The following OR2AT4 variants were observed in gnomAD, a reference collection of about 807,000 sequenced individuals.
OR2AT4 encodes the protein olfactory receptor family 2 subfamily AT member 4.
OR2AT4 carries 6 observed loss-of-function variants against 10.3 expected under a neutral mutation model. That is an observed-to-expected ratio of 0.58 (90% CI 0.32 to 1.15). The LOEUF (loss-of-function observed/expected upper bound fraction) is 1.15. Among genes scored for constraint, OR2AT4 ranks in the 50% most tolerant of loss-of-function variants. The probability of loss-of-function intolerance (pLI) is 0.05; values close to 1 mark genes in which losing one functional copy is unlikely to be tolerated. For missense variants in OR2AT4, 354 were observed against 393.8 expected, an observed-to-expected ratio of 0.90 and a Z score of 0.85; for synonymous variants, 145 against 159.1, an observed-to-expected ratio of 0.91 and a Z score of 0.67.
chr11:75,084,372 G>GT (rs1327222617), exon 2 of OR2AT4: 1 of 152,148 alleles, frequency 6.6e-6, no homozygotes, highest in Non-Finnish European at 1.5e-5. Context: ...TTACAAACTG[G>GT]TGAAATTGAA....
In OR2AT4 at chr11:75,089,409, C is replaced by T. The variant is rs753752079; in HGVS notation, c.305G>A (p.Cys102Tyr). Residue 102 changes from cysteine (C) to tyrosine (Y), a missense_variant, in exon 2 of 2, where the codon TGC becomes TAC. By Grantham distance (194) the Cys-to-Tyr change is radical. Transcript: ENST00000641504. Reference sequence around the variant, plus strand: ...TTGGAAGAGGTACATCTGCAGTAAGCAGGAAGAAAAGCTGAGGAAGCGGTC... The same window carrying T: ...TTGGAAGAGGTACATCTGCAGTAAGTAGGAAGAAAAGCTGAGGAAGCGGTC... The T allele has an allele frequency of 1.9e-6, 3 of 1,614,062 alleles. No homozygotes were observed. The South Asian group carries it at 3.3e-5, about 18-fold the overall frequency.
exon 2 of OR2AT4, chr11:75,084,738 G>A (rs1429879897): frequency 1.3e-5 from 2 of 152,144 alleles, no homozygotes; most frequent in Non-Finnish European, 2.9e-5. Flanking sequence ...AAGTGATTGG[G>A]AAAATCTTCC....
At chr11:75,096,450 C>T (rs761147703) in intron 1 of OR2AT4, among the ~76,000 whole-genome samples, 4 of 152,212 alleles carry the variant, frequency 2.6e-5, no homozygotes, top group Non-Finnish European at 4.4e-5. Flanking sequence ...AGCACAGAAT[C>T]TAGGTCTATT....
chr11:75,091,120 A>G (rs1949318547), intron 1 of OR2AT4, among the ~76,000 whole-genome samples: 1 of 152,210 alleles, frequency 6.6e-6, no homozygotes, highest in African/African-American at 2.4e-5. Context: ...ACTCAGCCCT[A>G]ACCTAACTCA....
chr11:75,086,129 C>T (rs985210572), exon 2 of OR2AT4: 2 of 152,076 alleles, frequency 1.3e-5, no homozygotes, highest in Non-Finnish European at 2.9e-5. Flanking sequence ...ATTGTATGTT[C>T]ATATGCACAC....
chr11:75,089,071 G>A (rs1276272620), exon 2 of OR2AT4: 1 of 1,613,992 alleles, frequency 6.2e-7, no homozygotes, highest in Non-Finnish European at 8.5e-7. Context: ...AGGAGAAGGG[G>A]GAGGAAGGAC....
intron 1 of OR2AT4, among the ~76,000 whole-genome samples, chr11:75,093,844 CAG>C (rs1215399481): frequency 1.2e-5 from 1 of 80,906 alleles, no homozygotes; most frequent in African/African-American, 4.8e-5. Context: ...TTTTTTGAGA[CAG>C]AGTCTTGCTC....
intron 1 of OR2AT4, among the ~76,000 whole-genome samples, chr11:75,091,676 C>T (rs1215838383): frequency 6.6e-6 from 1 of 152,108 alleles, no homozygotes; most frequent in Non-Finnish European, 1.5e-5. Flanking sequence ...TACGGTATGA[C>T]TTAATTGATA....
chr11:75,087,648 C>A (rs1057415618), exon 2 of OR2AT4: 1 of 152,190 alleles, frequency 6.6e-6, no homozygotes. Flanking sequence ...TGTGATTTTT[C>A]TTGTCCTTTT....
At position 75,089,430 on chromosome 11, in the gene OR2AT4, C is replaced by T. The variant is rs137906840; in HGVS notation, c.284G>A (p.Arg95His). ...TAAGCAGGAAGAAAAGCTGAGGAAG[C>T]GGTCCCCAAGCAAGAATAAGGACAG... The change falls in exon 2 of 2, where the codon CGC becomes CAC. Residue 95 changes from arginine to histidine, a missense_variant. Coordinates refer to ENST00000641504, the Ensembl canonical transcript of OR2AT4. 2.7e-4 allele frequency: 440 copies of T among 1,614,008 alleles called. No homozygotes were observed. In the African/African-American group the frequency reaches 4.8e-3, roughly 18 times the overall value.
chr11:75,095,929 C>T (rs1346518983), intron 1 of OR2AT4, among the ~76,000 whole-genome samples: 3 of 152,098 alleles, frequency 2.0e-5, no homozygotes, highest in South Asian at 2.1e-4. Flanking sequence ...CTGCCCGCCT[C>T]GGCCTCCCAA....
At chr11:75,087,681 T>C (rs1442435632) in exon 2 of OR2AT4, 2 of 152,262 alleles carry the variant, frequency 1.3e-5, no homozygotes, top group African/African-American at 2.4e-5. Context: ...TTAGGATGTA[T>C]AGTCAAAACA....
At chr11:75,088,732 A>G (rs761349306) in exon 2 of OR2AT4, 1 of 1,540,718 alleles carries the variant, frequency 6.5e-7, no homozygotes, top group East Asian at 2.3e-5. Context: ...CTGGAAGCAG[A>G]GTTAGCTGCA....
At chr11:75,090,080 G>T in exon 2 of OR2AT4, 1 of 194,752 alleles carries the variant, frequency 5.1e-6, no homozygotes, top group East Asian at 1.2e-4. Context: ...GTTGATTGTT[G>T]AATTATAATT....
exon 2 of OR2AT4, chr11:75,089,440 G>A (rs1390838363): frequency 1.2e-6 from 2 of 1,614,170 alleles, no homozygotes; most frequent in East Asian, 2.2e-5. Context: ...CGGTCCCCAA[G>A]CAAGAATAAG....
At position 75,089,366 on chromosome 11, in the gene OR2AT4, TTCTGAACATGTAA is replaced by T; in HGVS notation, c.335_347del (p.Phe112Ter). On this transcript the variant is annotated frameshift_variant, in exon 2 of 2. Transcript: ENST00000641504. LOFTEE classifies it high-confidence loss of function. ...AGGCCATGACCACCAGGATGAAGGC[TTCTGAACATGTAA>T]AACTTTGGAAGAGGTACATCTGCAG... 1 of 1,614,166 alleles carries T rather than the reference TTCTGAACATGTAA, an allele frequency of 6.2e-7. No individual in the cohort carries two copies. Among genetic ancestry groups the T allele is most frequent in the South Asian group, 1.1e-5 (1 of 91,074 alleles).
rs1022575624 is a variant in OR2AT4 at position 75,092,421 on chromosome 11, A to G, written c.-651-2057T>C. Among the ~76,000 whole-genome samples, 3 of 152,206 alleles carry G rather than the reference A, an allele frequency of 2.0e-5. No homozygotes were observed. The East Asian group carries it at 5.8e-4, about 29-fold the overall frequency. On this transcript the variant is annotated intron_variant, in intron 1 of 1. Coordinates refer to ENST00000641504, the Ensembl canonical transcript of OR2AT4. ...TTTGTTTAAGGTACTCACGTGCAAT[A>G]AAGCCCAAAAATATTTGGGATAGAT...
chr11:75,085,461 T>C (rs1165884544), exon 2 of OR2AT4: 3 of 152,084 alleles, frequency 2.0e-5, no homozygotes, highest in African/African-American at 7.2e-5. Context: ...TTCTATACAA[T>C]GTTTTTGAGA....
exon 2 of OR2AT4, chr11:75,084,888 A>C (rs1324884815): frequency 6.6e-6 from 1 of 152,196 alleles, no homozygotes; most frequent in Non-Finnish European, 1.5e-5. Context: ...TTGCTAATGC[A>C]GGAGCTATTG....
Sources: allele counts gnomAD v4.1 joint callset (sites outside exome capture counted in the v4.1 genomes callset), GRCh38; gene constraint gnomAD v4.1.1; transcripts MANE v1.5; gene names NCBI Gene and HGNC (gene_info 2026-07-23, HGNC 2026-07-21).